Variants in GPR39 observed in about 807,000 individuals in gnomAD.
The protein encoded by GPR39 is G protein-coupled receptor 39, also known as zinc sensing receptor.
In GPR39, 23 loss-of-function variants were observed where a neutral mutation model predicts 18.4. The ratio of observed to expected loss-of-function variants is 1.25; its 90% confidence interval spans 0.90 to 1.77. The LOEUF (loss-of-function observed/expected upper bound fraction) is 1.77, where lower values mean the gene tolerates loss of function less well. Among genes scored for constraint, GPR39 ranks in the 40% most tolerant of loss-of-function variants. GPR39 has a pLI of 0.00. For synonymous variants in GPR39, 280 were observed against 257.9 expected, an observed-to-expected ratio of 1.09 and a Z score of -0.82; for missense variants, 647 against 602.4, an observed-to-expected ratio of 1.07 and a Z score of -0.78.
intron 1 of GPR39, among the ~76,000 whole-genome samples, chr2:132,621,290 G>A (rs574256133): frequency 6.6e-6 from 1 of 152,158 alleles, no homozygotes; most frequent in Admixed American, 6.5e-5. Context: ...CTCATTACCA[G>A]TGTCTCTCAG....
intron 1 of GPR39, among the ~76,000 whole-genome samples, chr2:132,635,870 A>G (rs1681745708): frequency 2.0e-5 from 3 of 152,144 alleles, no homozygotes; most frequent in East Asian, 1.9e-4. Flanking sequence ...CCCCACCTCT[A>G]TACCCTTACT....
At chr2:132,535,049 T>A (rs1679727016) in intron 1 of GPR39, among the ~76,000 whole-genome samples, 1 of 152,144 alleles carries the variant, frequency 6.6e-6, no homozygotes, top group Non-Finnish European at 1.5e-5. Context: ...CCTCTCTTCC[T>A]ATTTGAATAT....
chr2:132,521,053 C>G (rs1212422344), intron 1 of GPR39, among the ~76,000 whole-genome samples: 1 of 152,184 alleles, frequency 6.6e-6, no homozygotes, highest in Non-Finnish European at 1.5e-5. Context: ...GTGTTTACCC[C>G]TTTGCCTCAT....
chr2:132,591,047 C>T (rs991915284), intron 1 of GPR39, among the ~76,000 whole-genome samples: 3 of 150,538 alleles, frequency 2.0e-5, no homozygotes, highest in East Asian at 3.9e-4. Flanking sequence ...GTCAGGAGAT[C>T]GAGACCATCC....
intron 1 of GPR39, among the ~76,000 whole-genome samples, chr2:132,444,417 A>G (rs1293773235): frequency 2.6e-5 from 4 of 152,006 alleles, no homozygotes. Flanking sequence ...CAGTCTCCCA[A>G]GTAGCTGGGA....
At chr2:132,578,741 A>G (rs1680572152) in intron 1 of GPR39, among the ~76,000 whole-genome samples, 1 of 152,148 alleles carries the variant, frequency 6.6e-6, no homozygotes, top group Non-Finnish European at 1.5e-5. Context: ...TTTGTAATTT[A>G]AAGTACATCT....
chr2:132,596,107 C>CTAGTGGCCGATTGCA (rs1680941505), intron 1 of GPR39, among the ~76,000 whole-genome samples: 1 of 152,148 alleles, frequency 6.6e-6, no homozygotes, highest in Admixed American at 6.5e-5. Flanking sequence ...CTTCAGGGTG[C>CTAGTGGCCGATTGCA]TAGTGGCCGA....
chr2:132,460,946 C>T (rs1680820670), intron 1 of GPR39, among the ~76,000 whole-genome samples: 1 of 152,206 alleles, frequency 6.6e-6, no homozygotes, highest in Non-Finnish European at 1.5e-5. Flanking sequence ...CTCGTTGGCA[C>T]AGCCCAGGAT....
chr2:132,516,980 G>A lies in GPR39; in HGVS notation c.856+99082G>A, dbSNP rs147349339. On this transcript the variant is annotated intron_variant, in intron 1 of 1. Coordinates refer to ENST00000329321, the MANE Select transcript of GPR39 (RefSeq NM_001508.3). Reference sequence around the variant, plus strand: ...TCTCTAAATTTTTGTAATAGCAAAAGATTAAAAATAACACCGATGTCCATC... The same window carrying A: ...TCTCTAAATTTTTGTAATAGCAAAAAATTAAAAATAACACCGATGTCCATC... Among the ~76,000 whole-genome samples, 547 of 152,254 alleles carry A rather than the reference G, an allele frequency of 3.6e-3. 2 individuals carry two copies. The highest frequency in any genetic ancestry group is 0.013 in the African/African-American group (524 of 41,544).
intron 1 of GPR39, among the ~76,000 whole-genome samples, chr2:132,458,560 C>T (rs2104775618): frequency 6.6e-6 from 1 of 151,116 alleles, no homozygotes; most frequent in South Asian, 2.1e-4. Flanking sequence ...TGTATCTGCT[C>T]CATGGCAATA....
chr2:132,516,245 G>A (rs2104762970), intron 1 of GPR39, among the ~76,000 whole-genome samples: 1 of 152,308 alleles, frequency 6.6e-6, no homozygotes. Flanking sequence ...GGGTGCCTCT[G>A]AGGAAGGTGG....
intron 1 of GPR39, among the ~76,000 whole-genome samples, chr2:132,502,138 C>A (rs1189414397): frequency 1.3e-5 from 2 of 151,880 alleles, no homozygotes; most frequent in Non-Finnish European, 2.9e-5. Flanking sequence ...GCCTGAATAC[C>A]TTATTTTTTC....
rs537012526 is a variant in GPR39, at chr2:132,645,096, C to A, written c.857-5C>A. 61 of 1,609,552 alleles carry A rather than the reference C, an allele frequency of 3.8e-5. No individual in the cohort carries two copies. In the East Asian group the frequency reaches 1.2e-3, roughly 32 times the overall value. The stretch of plus-strand genomic sequence containing the variant: ...TGTCTCTCCCTCCTGCTCGTGTCTG[C>A]CCAGGGCTGATTGTTGTGACATTGG... On this transcript the variant is annotated splice_region_variant and splice_polypyrimidine_tract_variant and intron_variant, in intron 1 of 1. Coordinates refer to ENST00000329321, the MANE Select transcript of GPR39 (RefSeq NM_001508.3).
chr2:132,469,218 C>A (rs1485588301), intron 1 of GPR39, among the ~76,000 whole-genome samples: 1 of 152,202 alleles, frequency 6.6e-6, no homozygotes, highest in Admixed American at 6.5e-5. Flanking sequence ...CAGAAAAGGG[C>A]TGCTTCCTGT....
intron 1 of GPR39, among the ~76,000 whole-genome samples, chr2:132,465,188 C>CA (rs929177880): frequency 4.3e-4 from 63 of 145,504 alleles, no homozygotes; most frequent in African/African-American, 1.1e-3. Flanking sequence ...AAAACAAAAG[C>CA]AAAAAAAAAA....
chr2:132,570,992 G>C (rs1423621422), intron 1 of GPR39, among the ~76,000 whole-genome samples: 1 of 152,190 alleles, frequency 6.6e-6, no homozygotes, highest in Non-Finnish European at 1.5e-5. Flanking sequence ...CAGGGCTTCT[G>C]CTCAGTGCGC....
intron 1 of GPR39, among the ~76,000 whole-genome samples, chr2:132,603,327 G>A (rs904587855): frequency 6.6e-6 from 1 of 152,134 alleles, no homozygotes; most frequent in Non-Finnish European, 1.5e-5. Flanking sequence ...AAAAAAAATT[G>A]ACATCATAGA....
At chr2:132,512,284 C>G (rs1017774707) in intron 1 of GPR39, among the ~76,000 whole-genome samples, 1 of 152,116 alleles carries the variant, frequency 6.6e-6, no homozygotes, top group African/African-American at 2.4e-5. Flanking sequence ...GCCCAGTTAA[C>G]CAGAGTTGGC....
At chr2:132,574,306 T>A (rs1472766046) in intron 1 of GPR39, among the ~76,000 whole-genome samples, 1 of 152,268 alleles carries the variant, frequency 6.6e-6, no homozygotes, top group Non-Finnish European at 1.5e-5. Context: ...CTAATTCACA[T>A]ATCTTTGACT....
Sources: gnomAD v4.1 joint callset for allele counts (sites outside exome capture counted in the v4.1 genomes callset) on GRCh38, gnomAD v4.1.1 for gene constraint, MANE v1.5 for transcripts, NCBI Gene and HGNC (gene_info 2026-07-23, HGNC 2026-07-21) for gene names.